INTS4: variants seen among roughly 807,000 people sequenced by gnomAD.
The protein encoded by INTS4 is MSTP093.
A neutral mutation model predicts 119.5 loss-of-function variants in INTS4; 70 were observed. That is an observed-to-expected ratio of 0.59 (90% CI 0.48 to 0.71). The LOEUF (loss-of-function observed/expected upper bound fraction) is 0.71, where lower values mean the gene tolerates loss of function less well. INTS4 is among the 30% of genes least tolerant of loss of function. The pLI, the probability that INTS4 is intolerant of heterozygous loss-of-function variation, is 0.00. For missense variants in INTS4, 867 were observed against 1,173.2 expected (o/e 0.74, Z 3.81); for synonymous variants, 316 against 419.6 (o/e 0.75, Z 3.02).
intron 2 of INTS4, chr11:77,987,787 T>C (rs920210752): frequency 2.7e-6 from 1 of 366,926 alleles, no homozygotes; most frequent in Non-Finnish European, 5.5e-6. Context: ...GGTGGGAGGA[T>C]GGCTTGAGCC....
chr11:77,946,218 T>C (rs1324365030), intron 8 of INTS4, among the ~76,000 whole-genome samples: 1 of 152,208 alleles, frequency 6.6e-6, no homozygotes, highest in Non-Finnish European at 1.5e-5. Flanking sequence ...ACTAGGATTA[T>C]AGCTGAAGAT....
At chr11:77,969,404 A>G (rs1483743099) in intron 4 of INTS4, among the ~76,000 whole-genome samples, 1 of 152,152 alleles carries the variant, frequency 6.6e-6, no homozygotes, top group Non-Finnish European at 1.5e-5. Flanking sequence ...AATAAATGAC[A>G]GGGCCTCGCT....
chr11:77,986,150 T>C (rs1375568933), intron 2 of INTS4, among the ~76,000 whole-genome samples: 1 of 152,192 alleles, frequency 6.6e-6, no homozygotes, highest in East Asian at 1.9e-4. Flanking sequence ...TCAGAACACC[T>C]GAGTTAAATT....
intron 16 of INTS4, among the ~76,000 whole-genome samples, chr11:77,905,914 A>G (rs1238093655): frequency 6.6e-6 from 1 of 152,206 alleles, no homozygotes; most frequent in Non-Finnish European, 1.5e-5. Flanking sequence ...CTGAGTGTTT[A>G]TGCTTGCAAA....
At chr11:77,911,105 G>C (rs559135326) in intron 15 of INTS4, 1 of 1,276,334 alleles carries the variant, frequency 7.8e-7, no homozygotes, top group Non-Finnish European at 1.0e-6. Context: ...GTAACGTTAC[G>C]ATAGTTAACG....
chr11:77,985,967 ATAT>A lies in INTS4; in HGVS notation c.247-4394_247-4392del, dbSNP rs1463794316. Among the ~76,000 whole-genome samples, 3 of 152,226 alleles carry A rather than the reference ATAT, an allele frequency of 2.0e-5. No homozygotes were observed. In the South Asian group the frequency reaches 6.2e-4, roughly 32 times the overall value. On this transcript the variant is annotated intron_variant, in intron 2 of 22. Transcript: ENST00000534064. ...AGCCAGAGTAGTTTTATCCACTAAA[ATAT>A]TAACATAAAATACCACATTTCTGGA...
intron 22 of INTS4, among the ~76,000 whole-genome samples, chr11:77,882,068 T>C (rs1451133597): frequency 6.6e-6 from 1 of 152,058 alleles, no homozygotes; most frequent in Non-Finnish European, 1.5e-5. Flanking sequence ...CATGCCACCA[T>C]GCCCAGTTAA....
chr11:77,912,174 C>G (rs1284587088), intron 15 of INTS4, among the ~76,000 whole-genome samples: 1 of 152,020 alleles, frequency 6.6e-6, no homozygotes, highest in Non-Finnish European at 1.5e-5. Flanking sequence ...CCAGCCTGGG[C>G]AACACGGTGA....
In INTS4 at chr11:77,961,124, C is replaced by T. The variant is rs765275282; in HGVS notation, c.486G>A (p.Thr162=). The change falls in exon 5 of 23, where the codon ACG becomes ACA. Residue 162 remains threonine, a synonymous_variant. Coordinates refer to ENST00000534064, the MANE Select transcript of INTS4 (RefSeq NM_033547.4). ...GGCACTTATTTCTTACACCATGAGA[C>T]GTATCTGTCAGATGCTATTAAAAAA... The part of the protein sequence containing the change: ...VDVACKHLTD[T]SHGVRNKCLQ... 23 of 1,488,542 alleles carry T rather than the reference C, an allele frequency of 1.5e-5. 1 individual carries two copies. Among genetic ancestry groups the T allele is most frequent in the South Asian group, 4.9e-5 (4 of 80,984 alleles). The allele number at this position is 1,488,542 out of a possible 1,614,324, so 92.2% of individuals were successfully genotyped here.
At chr11:77,981,154 T>A (rs1856195583) in intron 3 of INTS4, among the ~76,000 whole-genome samples, 1 of 135,024 alleles carries the variant, frequency 7.4e-6, no homozygotes, top group Non-Finnish European at 1.5e-5. Flanking sequence ...CTGCTCAATA[T>A]ATCAAGGCCC....
intron 18 of INTS4, among the ~76,000 whole-genome samples, chr11:77,897,667 AT>A (rs35910839): frequency 7.2e-4 from 105 of 145,766 alleles, no homozygotes; most frequent in South Asian, 6.6e-4. Flanking sequence ...CGCCCGGCTA[AT>A]TTTTTTTTTT....
intron 19 of INTS4, among the ~76,000 whole-genome samples, chr11:77,892,876 C>T (rs1793335): frequency 0.36 from 55,040 of 152,080 alleles, 10,150 homozygotes; most frequent in East Asian, 0.46. Flanking sequence ...AGCCACCGTG[C>T]CCAGCCTCAA....
At chr11:77,893,647 C>T (rs2671991) in intron 19 of INTS4, among the ~76,000 whole-genome samples, 2 of 152,058 alleles carry the variant, frequency 1.3e-5, no homozygotes, top group Non-Finnish European at 2.9e-5. Flanking sequence ...AATCCCAGCA[C>T]TTTGGGAGGC....
intron 3 of INTS4, among the ~76,000 whole-genome samples, chr11:77,980,892 C>T (rs1483536167): frequency 6.6e-6 from 1 of 151,834 alleles, no homozygotes; most frequent in East Asian, 1.9e-4. Flanking sequence ...ACTTGGGAGG[C>T]TGAGGCAGGA....
chr11:77,896,652 C>CAA (rs58549095), intron 18 of INTS4, among the ~76,000 whole-genome samples: 6 of 70,638 alleles, frequency 8.5e-5, no homozygotes, highest in African/African-American at 1.8e-4. Context: ...AACTCCGTCT[C>CAA]AAAAAAAAAA....
Position 77,878,954 on chromosome 11 carries a change from G to A in INTS4, c.2887C>T (p.Arg963Cys), listed in dbSNP as rs765904872. 6.2e-6 allele frequency: 10 copies of A among 1,613,376 alleles called. No individual in the cohort carries two copies. The highest frequency in any genetic ancestry group is 3.3e-5 in the South Asian group (3 of 91,062). ...KVYIMPKPAR[R>C] The stretch of plus-strand genomic sequence containing the variant: ...TTGGGAAGACTGTTTTTGCCTTAGC[G>A]CCGTGCAGGTTTGGGCATTATATAA... The change falls in exon 23 of 23, where the codon CGC becomes TGC. Residue 963 changes from arginine (R) to cysteine (C), a missense_variant. By Grantham distance (180) the Arg-to-Cys change is radical (BLOSUM62 -3). Around this residue, in one of 5 missense-constraint regions of INTS4, gnomAD observed 122 missense variants for 133.2 expected, o/e 0.92. Transcript: ENST00000534064.
At chr11:77,987,956 G>A (rs1362425056) in intron 2 of INTS4, among the ~76,000 whole-genome samples, 1 of 152,170 alleles carries the variant, frequency 6.6e-6, no homozygotes, top group Non-Finnish European at 1.5e-5. Flanking sequence ...AGGAGTTTGA[G>A]ACCAACCTTG....
chr11:77,896,128 C>T (rs966169393), intron 18 of INTS4, among the ~76,000 whole-genome samples: 6 of 151,914 alleles, frequency 3.9e-5, no homozygotes, highest in African/African-American at 1.5e-4. Flanking sequence ...TCAACAACCT[C>T]GGTGAGAGTT....
intron 10 of INTS4, among the ~76,000 whole-genome samples, chr11:77,935,397 T>C (rs1206549837): frequency 6.6e-6 from 1 of 151,736 alleles, no homozygotes; most frequent in Admixed American, 6.6e-5. Context: ...GTGGCTAGAG[T>C]TCATAGAGCA....
Sources: gnomAD v4.1 joint callset for allele counts (sites outside exome capture counted in the v4.1 genomes callset) on GRCh38, gnomAD v4.1.1 for gene constraint, gnomAD v4.1.1 regional missense constraint, MANE v1.5 for transcripts, NCBI Gene and HGNC (gene_info 2026-07-23, HGNC 2026-07-21) for gene names.